The following DSTN variants were observed in gnomAD, a reference collection of about 807,000 sequenced individuals.
DSTN encodes the protein destrin.
In DSTN, 10 loss-of-function variants were observed where a neutral mutation model predicts 16.8. The ratio of observed to expected loss-of-function variants is 0.60; its 90% confidence interval spans 0.37 to 1.01. DSTN has a LOEUF of 1.01. DSTN is among the 50% of genes least tolerant of loss of function. The pLI, the probability that DSTN is intolerant of heterozygous loss-of-function variation, is 0.01. For synonymous variants in DSTN, 57 were observed against 58.9 expected, an observed-to-expected ratio of 0.97 and a Z score of 0.14; for missense variants, 141 against 196.7, an observed-to-expected ratio of 0.72 and a Z score of 1.69.
In DSTN at chr20:17,608,837, T is replaced by C. The variant is rs1287990545; in HGVS notation, c.*1691T>C. 2.6e-5 allele frequency: 4 copies of C among 152,226 alleles called. No individual in the cohort carries two copies. The highest frequency in any genetic ancestry group is 9.6e-5 in the African/African-American group (4 of 41,460). 9.4% of individuals were successfully genotyped at this position (152,226 alleles called of 1,614,324 possible). ...ATTTTGATACACAGCTGTGCATTAT[T>C]ACATGTCAAAGACTGCATATACTAT... On this transcript the variant is annotated 3_prime_UTR_variant, in exon 4 of 4. Coordinates refer to ENST00000246069, the MANE Select transcript of DSTN (RefSeq NM_006870.4).
intron 1 of DSTN, among the ~76,000 whole-genome samples, chr20:17,578,983 C>G (rs1244371555): frequency 1.8e-5 from 2 of 113,076 alleles, no homozygotes; most frequent in Non-Finnish European, 3.6e-5. Flanking sequence ...AAAAAAAAAG[C>G]AAGAAGTAAT....
chr20:17,607,221 T>C lies in DSTN; in HGVS notation c.*75T>C. 1 of 1,422,424 alleles carries C rather than the reference T, an allele frequency of 7.0e-7. No homozygotes were observed. Among genetic ancestry groups the C allele is most frequent in the South Asian group, 1.2e-5 (1 of 80,552 alleles). The allele number at this position is 1,422,424 out of a possible 1,614,324, so 88.1% of individuals were successfully genotyped here. On this transcript the variant is annotated 3_prime_UTR_variant, in exon 4 of 4. Coordinates refer to ENST00000246069, the MANE Select transcript of DSTN (RefSeq NM_006870.4). ...TGCTATATAAATAAAGCAAATATATTTAGGCCAGGGTCTCACTGAGGGGGA... is the reference window on the plus strand; with the variant it reads ...TGCTATATAAATAAAGCAAATATATCTAGGCCAGGGTCTCACTGAGGGGGA...
chr20:17,607,229 G>C lies in DSTN; in HGVS notation c.*83G>C. ...AAATAAAGCAAATATATTTAGGCCA[G>C]GGTCTCACTGAGGGGGAGCTGTCTT... On this transcript the variant is annotated 3_prime_UTR_variant, in exon 4 of 4. Coordinates refer to ENST00000246069, the MANE Select transcript of DSTN (RefSeq NM_006870.4). 1 of 1,283,500 alleles carries C rather than the reference G, an allele frequency of 7.8e-7. No individual in the cohort carries two copies. The highest frequency in any genetic ancestry group is 1.1e-6 in the Non-Finnish European group (1 of 916,702). The allele number at this position is 1,283,500 out of a possible 1,614,324, so 79.5% of individuals were successfully genotyped here. A position where few individuals can be genotyped will look rare whatever the true frequency, so the allele number is the denominator to read the frequency against.
At position 17,570,095 on chromosome 20, in the gene DSTN, C is replaced by A; in HGVS notation, c.-114C>A. 1.4e-6 allele frequency: 2 copies of A among 1,460,472 alleles called. No homozygotes were observed. Among genetic ancestry groups the A allele is most frequent in the Non-Finnish European group, 1.8e-6 (2 of 1,105,100 alleles). The allele number at this position is 1,460,472 out of a possible 1,614,324, so 90.5% of individuals were successfully genotyped here. A position where few individuals can be genotyped will look rare whatever the true frequency, so the allele number is the denominator to read the frequency against. On this transcript the variant is annotated 5_prime_UTR_variant, in exon 1 of 4. Transcript: ENST00000246069. ...CGCCCGCCCCGGGGTAAGCTCGCGC[C>A]GCCGCGTCAGCTCAGCGCTGGGTCT...
intron 1 of DSTN, among the ~76,000 whole-genome samples, chr20:17,572,069 T>G (rs2035213295): frequency 6.6e-6 from 1 of 152,200 alleles, no homozygotes; most frequent in Non-Finnish European, 1.5e-5. Flanking sequence ...TATCCCAGAG[T>G]CTAGCACTTT....
intron 1 of DSTN, among the ~76,000 whole-genome samples, chr20:17,582,428 A>G (rs2035356571): frequency 6.6e-6 from 1 of 152,162 alleles, no homozygotes. Context: ...AAGTAAACAA[A>G]TAAGATAATT....
At position 17,609,676 on chromosome 20, in the gene DSTN, A is replaced by C. The variant is rs967674914; in HGVS notation, c.*2530A>C. The C allele has an allele frequency of 1.3e-5, 2 of 152,234 alleles. No homozygotes were observed. The highest frequency in any genetic ancestry group is 4.8e-5 in the African/African-American group (2 of 41,458). The allele number at this position is 152,234 out of a possible 1,614,324, so 9.4% of individuals were successfully genotyped here. On this transcript the variant is annotated 3_prime_UTR_variant, in exon 4 of 4. Transcript: ENST00000246069. ...TCTCAGTGGATTCCTGAGGCCCAAG[A>C]ATTGTGCTAACAAGCACTCAAGGCG... is the stretch of plus-strand genomic sequence containing the variant.
rs1329887205 is a variant in DSTN at position 17,600,896 on chromosome 20, G to T, written c.162G>T (p.Glu54Asp). 6.2e-7 allele frequency: 1 copy of T among 1,613,814 alleles called. No individual in the cohort carries two copies. The highest frequency in any genetic ancestry group is 8.5e-7 in the Non-Finnish European group (1 of 1,179,896). The part of the protein sequence containing the change: ...KKCIIVEEGK[E>D]ILVGDVGVTI... ...GCATCATTGTAGAAGAAGGCAAAGA[G>T]ATCTTGGTTGGAGATGTTGGTGTAA... Residue 54 changes from glutamate to aspartate, a missense_variant, in exon 2 of 4, where the codon GAG (glutamate) becomes GAT (aspartate). Glu to Asp is a conservative substitution (Grantham distance 45, BLOSUM62 2). Transcript: ENST00000246069.
At chr20:17,577,216 C>G (rs1028123070) in intron 1 of DSTN, among the ~76,000 whole-genome samples, 2 of 152,160 alleles carry the variant, frequency 1.3e-5, no homozygotes, top group East Asian at 3.9e-4. Flanking sequence ...TGCTTGGTAC[C>G]GGAAGGTACT....
chr20:17,573,562 A>C (rs2035232019), intron 1 of DSTN, among the ~76,000 whole-genome samples: 1 of 152,088 alleles, frequency 6.6e-6, no homozygotes, highest in South Asian at 2.1e-4. Flanking sequence ...TCCATGGTGT[A>C]TATCTAGAAG....
At chr20:17,580,546 A>C (rs1398636936) in intron 1 of DSTN, among the ~76,000 whole-genome samples, 1 of 152,200 alleles carries the variant, frequency 6.6e-6, no homozygotes, top group East Asian at 1.9e-4. Flanking sequence ...CAGGAGTTTG[A>C]GACCAGCCTG....
chr20:17,577,632 T>TC, intron 1 of DSTN, among the ~76,000 whole-genome samples: 1 of 152,266 alleles, frequency 6.6e-6, no homozygotes, highest in Non-Finnish European at 1.5e-5. Flanking sequence ...GCCAGTGTTG[T>TC]CAAATGGAAA....
At chr20:17,574,704 T>A (rs1389813738) in intron 1 of DSTN, among the ~76,000 whole-genome samples, 59 of 114,336 alleles carry the variant, frequency 5.2e-4, no homozygotes, top group Middle Eastern at 7.6e-3. Flanking sequence ...CCAGCCTGGG[T>A]GACAGAGCGA....
chr20:17,585,537 C>A (rs984466626), intron 1 of DSTN, among the ~76,000 whole-genome samples: 1 of 151,996 alleles, frequency 6.6e-6, no homozygotes, highest in African/African-American at 2.4e-5. Context: ...GTATTATTCA[C>A]CTTGAAATAA....
Position 17,601,064 on chromosome 20 carries a change from T to G in DSTN, c.311+19T>G, listed in dbSNP as rs114415913. On this transcript the variant is annotated intron_variant, in intron 2 of 3. Transcript: ENST00000246069. ...TTTTGTGGTAAGCATGTTAGAAATA[T>G]TGAGCCTCTGTAAAACTCATTTTGT... is the stretch of plus-strand genomic sequence containing the variant. 3 of 1,571,762 alleles carry G rather than the reference T, an allele frequency of 1.9e-6. 1 individual carries two copies. The South Asian group carries it at 3.6e-5, about 19-fold the overall frequency.
intron 1 of DSTN, among the ~76,000 whole-genome samples, chr20:17,596,322 A>G (rs577861182): frequency 1.3e-5 from 2 of 152,282 alleles, no homozygotes; most frequent in East Asian, 3.9e-4. Flanking sequence ...CTAGTCCAAA[A>G]TATGGATTAG....
rs1004840994 is a variant in DSTN, at chr20:17,607,488, T to A, written c.*342T>A. 5.2e-6 allele frequency: 1 copy of A among 191,406 alleles called. No homozygotes were observed. Among genetic ancestry groups the A allele is most frequent in the Admixed American group, 5.9e-5 (1 of 16,916 alleles). 11.9% of individuals were successfully genotyped at this position (191,406 alleles called of 1,614,324 possible). A position where few individuals can be genotyped will look rare whatever the true frequency, so the allele number is the denominator to read the frequency against. On this transcript the variant is annotated 3_prime_UTR_variant, in exon 4 of 4. Coordinates refer to ENST00000246069, the MANE Select transcript of DSTN (RefSeq NM_006870.4). Reference sequence around the variant, plus strand: ...TTTATTAACCTCAGCATTTACTTTGTTTCTTTTGCTTAGGAAATTGCTCAT... The same window carrying A: ...TTTATTAACCTCAGCATTTACTTTGATTCTTTTGCTTAGGAAATTGCTCAT...
intron 1 of DSTN, among the ~76,000 whole-genome samples, chr20:17,575,789 A>G (rs923959595): frequency 2.0e-5 from 3 of 152,180 alleles, no homozygotes; most frequent in African/African-American, 4.8e-5. Context: ...TGGCCTCTCA[A>G]AGTGCTGGGA....
At chr20:17,601,356 C>G (rs2035585338) in intron 2 of DSTN, among the ~76,000 whole-genome samples, 2 of 147,832 alleles carry the variant, frequency 1.4e-5, no homozygotes, top group African/African-American at 5.0e-5. Context: ...AACTTTCTTA[C>G]TTATAAGCCA....
Sources: allele counts gnomAD v4.1 joint callset (sites outside exome capture counted in the v4.1 genomes callset), GRCh38; gene constraint gnomAD v4.1.1; transcripts MANE v1.5; gene names NCBI Gene and HGNC (gene_info 2026-07-23, HGNC 2026-07-21).